SRPK2: variants seen among roughly 807,000 people sequenced by gnomAD.
SRPK2 encodes the protein SRSF protein kinase 2.
SRPK2 carries 21 observed loss-of-function variants against 90.8 expected under a neutral mutation model. The ratio of observed to expected loss-of-function variants is 0.23; its 90% CI spans 0.16 to 0.33. The LOEUF is 0.33. SRPK2 is among the 10% of genes least tolerant of loss of function. SRPK2 has a pLI of 1.00. For synonymous variants in SRPK2, 288 were observed against 311.1 expected (o/e 0.93, Z 0.78); for missense variants, 620 against 869.0 (o/e 0.71, Z 3.60).
rs569940118 is a variant in SRPK2 at position 105,287,052 on chromosome 7, G to C, written c.72-83267C>G. ...CGAGGCGGGCGGATCACGAGGTCAG[G>C]AGATCGAGACCATCCCGGCTAAAAC... On this transcript the variant is annotated intron_variant, in intron 2 of 15. Coordinates refer to ENST00000393651, the MANE Select transcript of SRPK2 (RefSeq NM_182692.3). Among the ~76,000 whole-genome samples the C allele has an allele frequency of 5.9e-4, 89 of 151,174 alleles. 1 individual carries two copies. Among genetic ancestry groups the C allele is most frequent in the Non-Finnish European group, 1.2e-3 (81 of 67,720 alleles).
chr7:105,379,475 T>C (rs553107875), intron 2 of SRPK2, among the ~76,000 whole-genome samples: 8 of 152,180 alleles, frequency 5.3e-5, no homozygotes, highest in Non-Finnish European at 1.0e-4. Context: ...ATATTCTATA[T>C]GATTTCATTT....
intron 2 of SRPK2, among the ~76,000 whole-genome samples, chr7:105,341,554 T>C (rs1350765090): frequency 6.6e-6 from 1 of 151,896 alleles, no homozygotes; most frequent in Non-Finnish European, 1.5e-5. Flanking sequence ...ACACCTGTAG[T>C]CCCAGCTACT....
chr7:105,356,547 A>G (rs1386407190), intron 2 of SRPK2, among the ~76,000 whole-genome samples: 1 of 152,216 alleles, frequency 6.6e-6, no homozygotes. Context: ...GTTACTCACT[A>G]TATTAGCTAT....
chr7:105,348,319 C>T (rs1816719267), intron 2 of SRPK2, among the ~76,000 whole-genome samples: 1 of 151,962 alleles, frequency 6.6e-6, no homozygotes, highest in South Asian at 2.1e-4. Context: ...GATCCACCCA[C>T]CTCGACTTCC....
Position 105,324,508 on chromosome 7 carries a change from T to C in SRPK2, c.71+64140A>G, listed in dbSNP as rs574530649. Among the ~76,000 whole-genome samples, 5 of 152,290 alleles carry C rather than the reference T, an allele frequency of 3.3e-5. No individual in the cohort carries two copies. In the South Asian group the frequency reaches 1.0e-3, roughly 32 times the overall value. On this transcript the variant is annotated intron_variant, in intron 2 of 15. Coordinates refer to ENST00000393651, the MANE Select transcript of SRPK2 (RefSeq NM_182692.3). ...GCCAGACTATTCTTAACAGAAAATC[T>C]AGCTAATGAATGTGCAATACAAATA...
At chr7:105,149,268 G>A (rs887956368) in intron 7 of SRPK2, among the ~76,000 whole-genome samples, 3 of 152,216 alleles carry the variant, frequency 2.0e-5, no homozygotes, top group South Asian at 2.1e-4. Context: ...AGACATGTTT[G>A]CAGTAATGCT....
intron 2 of SRPK2, among the ~76,000 whole-genome samples, chr7:105,300,682 A>C (rs1030191600): frequency 1.3e-5 from 2 of 152,194 alleles, no homozygotes; most frequent in Non-Finnish European, 2.9e-5. Context: ...AAAATCAAAC[A>C]ACCACATCAA....
intron 2 of SRPK2, among the ~76,000 whole-genome samples, chr7:105,262,238 C>T (rs1346968573): frequency 6.6e-6 from 1 of 152,174 alleles, no homozygotes; most frequent in African/African-American, 2.4e-5. Context: ...CTGATCAGAA[C>T]ATTGTCCAGT....
chr7:105,270,804 T>C (rs1483058597), intron 2 of SRPK2, among the ~76,000 whole-genome samples: 1 of 152,116 alleles, frequency 6.6e-6, no homozygotes, highest in Non-Finnish European at 1.5e-5. Flanking sequence ...GATAATAACA[T>C]ATATCTGAAA....
chr7:105,211,523 G>A (rs995833649), intron 2 of SRPK2, among the ~76,000 whole-genome samples: 2 of 152,122 alleles, frequency 1.3e-5, no homozygotes, highest in Non-Finnish European at 2.9e-5. Context: ...CAAAGGGGGT[G>A]CAGGCGCAAC....
intron 9 of SRPK2, among the ~76,000 whole-genome samples, chr7:105,144,235 C>T (rs1425548898): frequency 8.1e-6 from 1 of 124,146 alleles, no homozygotes; most frequent in Non-Finnish European, 1.6e-5. Flanking sequence ...CCATCACACC[C>T]GGCTAATTTT....
chr7:105,328,449 G>A (rs1813855544), intron 2 of SRPK2, among the ~76,000 whole-genome samples: 1 of 150,242 alleles, frequency 6.7e-6, no homozygotes, highest in African/African-American at 2.4e-5. Flanking sequence ...TGTAATCCCA[G>A]CTATTCAGGA....
intron 2 of SRPK2, among the ~76,000 whole-genome samples, chr7:105,371,238 T>C (rs1819651111): frequency 6.8e-6 from 1 of 147,740 alleles, no homozygotes; most frequent in African/African-American, 2.5e-5. Context: ...ACCCCATCTC[T>C]ACGAAAAATA....
chr7:105,203,034 G>C (rs1018496026), intron 3 of SRPK2, among the ~76,000 whole-genome samples: 5 of 152,136 alleles, frequency 3.3e-5, no homozygotes, highest in Admixed American at 3.3e-4. Context: ...TGCCGCCCAG[G>C]CTGGACTGCA....
intron 3 of SRPK2, among the ~76,000 whole-genome samples, chr7:105,174,097 A>AC (rs397950068): frequency 6.6e-6 from 1 of 150,696 alleles, no homozygotes; most frequent in Non-Finnish European, 1.5e-5. Context: ...AAAAAAAAAA[A>AC]CTCTTATCGG....
intron 2 of SRPK2, among the ~76,000 whole-genome samples, chr7:105,231,594 T>A (rs1226807419): frequency 6.6e-6 from 1 of 152,268 alleles, no homozygotes; most frequent in African/African-American, 2.4e-5. Context: ...TTTGGCTTTT[T>A]AACCATAGTC....
intron 2 of SRPK2, among the ~76,000 whole-genome samples, chr7:105,359,958 G>A (rs1212829727): frequency 1.3e-5 from 2 of 152,206 alleles, no homozygotes; most frequent in East Asian, 1.9e-4. Flanking sequence ...TCGTTGATCT[G>A]TCTAATATTG....
intron 2 of SRPK2, among the ~76,000 whole-genome samples, chr7:105,377,732 C>T (rs1820475279): frequency 6.6e-6 from 1 of 152,012 alleles, no homozygotes; most frequent in African/African-American, 2.4e-5. Flanking sequence ...AAAAGCCTGG[C>T]CAAAGTCACC....
chr7:105,284,408 G>A (rs1445946431), intron 2 of SRPK2, among the ~76,000 whole-genome samples: 3 of 152,164 alleles, frequency 2.0e-5, no homozygotes, highest in Admixed American at 6.5e-5. Flanking sequence ...AAGAAATGAA[G>A]CCAGAGATAA....
Sources: allele counts gnomAD v4.1 joint callset (sites outside exome capture counted in the v4.1 genomes callset), GRCh38; gene constraint gnomAD v4.1.1; transcripts MANE v1.5; gene names NCBI Gene and HGNC (gene_info 2026-07-23, HGNC 2026-07-21).